TTLL8: variants seen among roughly 807,000 people sequenced by gnomAD.
TTLL8 encodes the protein tubulin tyrosine ligase like 8.
Under a neutral mutation model 77.8 loss-of-function variants are expected in TTLL8, and 65 were observed. The observed-to-expected ratio is 0.84, with a 90% CI of 0.68 to 1.03. The LOEUF (loss-of-function observed/expected upper bound fraction) is 1.03, where lower values mean the gene tolerates loss of function less well. TTLL8 is among the 50% of genes least tolerant of loss of function. TTLL8 has a pLI of 0.00. For synonymous variants in TTLL8, 402 were observed against 422.8 expected (o/e 0.95, Z 0.60); for missense variants, 910 against 1,004.5 (o/e 0.91, Z 1.27).
rs756358933 is a variant in TTLL8, at chr22:50,050,104, G to GCTACC, written c.190_190+4dup. ...GAGCTGAGACGTGCGCCTCCGATAC[G>GCTACC]CTACCATTGACCCGGGCGCCTTCAT... On this transcript the variant is annotated splice_donor_region_variant and intron_variant, in intron 2 of 13. Transcript: ENST00000266182. 2.2e-6 allele frequency: 3 copies of GCTACC among 1,366,484 alleles called. No individual in the cohort carries two copies. In the African/African-American group the frequency reaches 4.4e-5, roughly 20 times the overall value. The allele number at this position is 1,366,484 out of a possible 1,614,324, so 84.6% of individuals were successfully genotyped here.
At chr22:50,040,072 C>CCT (rs1028181602) in intron 8 of TTLL8, among the ~76,000 whole-genome samples, 1 of 135,962 alleles carries the variant, frequency 7.4e-6, no homozygotes, top group African/African-American at 2.8e-5. Context: ...AGCTCACGGA[C>CCT]CTCACATGTG....
At chr22:50,049,133 T>C in intron 3 of TTLL8, 116 bp downstream of exon 5, 1 of 1,315,560 alleles carries the variant, frequency 7.6e-7, no homozygotes, top group Non-Finnish European at 1.0e-6. Flanking sequence ...ACTGGGGCTT[T>C]GCCCTCGCCG....
intron 1 of TTLL8, among the ~76,000 whole-genome samples, chr22:50,051,144 G>A (rs1012022621): frequency 6.6e-6 from 1 of 152,202 alleles, no homozygotes; most frequent in Non-Finnish European, 1.5e-5. Flanking sequence ...TTACAGGCGT[G>A]AGCCACCGCG....
chr22:50,051,794 T>G (rs1332078115), intron 1 of TTLL8, among the ~76,000 whole-genome samples: 2 of 152,244 alleles, frequency 1.3e-5, no homozygotes, highest in Admixed American at 6.5e-5. Flanking sequence ...TTAGTGATGC[T>G]GAGCGCTTTT....
intron 12 of TTLL8, among the ~76,000 whole-genome samples, chr22:50,026,420 G>A (rs987321832): frequency 8.5e-6 from 1 of 117,490 alleles, no homozygotes; most frequent in African/African-American, 2.9e-5. Flanking sequence ...CCACCTCAGA[G>A]CGGAGGGTCA....
At chr22:50,056,969 G>T (rs1208279870), upstream of TTLL8, 2 of 1,288,762 alleles carry the variant, frequency 1.6e-6, no homozygotes, top group Non-Finnish European at 2.0e-6. The surrounding 1 kb of genome is among the most constrained non-coding windows in gnomAD (Gnocchi z 4.1). Flanking sequence ...TTGCTCCTCT[G>T]ACCCCTAGAG....
At chr22:50,047,292 C>T (rs2061418866) in exon 4 of TTLL8, 6 of 1,367,424 alleles carry the variant, frequency 4.4e-6, no homozygotes, top group Admixed American at 1.9e-5. Context: ...TTTTACCAAC[C>T]TAGACTGGCA....
At chr22:50,057,036 G>A (rs1390229797), upstream of TTLL8, 1 of 1,160,278 alleles carries the variant, frequency 8.6e-7, no homozygotes, top group Non-Finnish European at 1.1e-6. Context: ...TGGGGATGGA[G>A]AGGGTTCTGA....
chr22:50,035,928 C>T (rs547367092), intron 8 of TTLL8, among the ~76,000 whole-genome samples: 80 of 152,380 alleles, frequency 5.3e-4, no homozygotes, highest in African/African-American at 2.6e-4. Flanking sequence ...CAAGTGTACG[C>T]GCCACTGTGT....
chr22:50,055,843 C>T (rs949780358), upstream of TTLL8, among the ~76,000 whole-genome samples: 8 of 151,960 alleles, frequency 5.3e-5, no homozygotes, highest in East Asian at 3.9e-4. Context: ...TGAACCAGAG[C>T]GACTCCATCT....
At chr22:50,021,183 G>A (rs73893115) in intron 12 of TTLL8, among the ~76,000 whole-genome samples, 3,343 of 136,908 alleles carry the variant, frequency 0.024, 105 homozygotes, top group African/African-American at 0.087. Flanking sequence ...TCCATCTGAC[G>A]TGCACTCCTC....
At chr22:50,025,278 T>A (rs1051408977) in intron 12 of TTLL8, among the ~76,000 whole-genome samples, 53 of 46,288 alleles carry the variant, frequency 1.1e-3, no homozygotes, top group South Asian at 2.6e-3. Context: ...TAGCAAAAAC[T>A]CCAAAAAAAA....
intron 12 of TTLL8, among the ~76,000 whole-genome samples, chr22:50,023,101 T>C (rs1225954342): frequency 1.3e-5 from 2 of 152,254 alleles, no homozygotes; most frequent in Non-Finnish European, 2.9e-5. Flanking sequence ...TCGCACATTT[T>C]AGCAACAAAC....
chr22:50,057,393 GTCA>G, upstream of TTLL8, among the ~76,000 whole-genome samples: 2 of 109,792 alleles, frequency 1.8e-5, no homozygotes, highest in Non-Finnish European at 3.4e-5. Context: ...CTGGGTTGGG[GTCA>G]GGTCTGGGTT....
chr22:50,032,037 G>C, exon 11 of TTLL8: 1 of 1,366,266 alleles, frequency 7.3e-7, no homozygotes, highest in Non-Finnish European at 9.8e-7. Context: ...TGTTGTGTGC[G>C]GGCAGCAGGG....
chr22:50,027,151 G>A (rs1049636027), intron 12 of TTLL8, among the ~76,000 whole-genome samples: 2 of 151,554 alleles, frequency 1.3e-5, no homozygotes, highest in African/African-American at 2.4e-5. Flanking sequence ...CAGGAGAATC[G>A]CTTGAACCCA....
At chr22:50,035,500 G>C (rs1035718076) in intron 8 of TTLL8, among the ~76,000 whole-genome samples, 1 of 152,184 alleles carries the variant, frequency 6.6e-6, no homozygotes, top group Non-Finnish European at 1.5e-5. Context: ...GACTGAAGGC[G>C]ACCTCAGGCA....
At chr22:50,030,056 C>T (rs1379152626) in intron 12 of TTLL8, 1 of 682,818 alleles carries the variant, frequency 1.5e-6, no homozygotes, top group Non-Finnish European at 1.8e-6. Flanking sequence ...TCACTTTGGC[C>T]CCTCGCTCGG....
chr22:50,042,710 G>A (rs953077330), intron 6 of TTLL8, among the ~76,000 whole-genome samples: 4 of 152,124 alleles, frequency 2.6e-5, no homozygotes, highest in South Asian at 2.1e-4. Flanking sequence ...CGGGAGGATC[G>A]CTGGAGCCTG....
Sources: gnomAD v4.1 joint callset for allele counts (sites outside exome capture counted in the v4.1 genomes callset) on GRCh38, gnomAD v4.1.1 for gene constraint, Gnocchi (gnomAD v3.1) non-coding constraint, MANE v1.5 for transcripts, NCBI Gene and HGNC (gene_info 2026-07-23, HGNC 2026-07-21) for gene names.